The following CD1A variants were observed in gnomAD, a reference collection of about 807,000 sequenced individuals.
The protein encoded by CD1A is CD1a molecule, also known as T-cell surface glycoprotein CD1a.
A neutral mutation model predicts 38.3 loss-of-function variants in CD1A; 50 were observed. The ratio of observed to expected loss-of-function variants is 1.30; its 90% CI spans 1.04 to 1.65. The LOEUF (loss-of-function observed/expected upper bound fraction) is 1.65, where lower values mean the gene tolerates loss of function less well. Among genes scored for constraint, CD1A ranks in the 40% most tolerant of loss-of-function variants. CD1A has a pLI of 0.00. For synonymous variants in CD1A, 160 were observed against 150.8 expected (o/e 1.06, Z -0.45); for missense variants, 459 against 406.1 (o/e 1.13, Z -1.12).
At chr1:158,256,756 G>A (rs758556867) in intron 3 of CD1A, 30 bp from the exon 4 acceptor site, 9 of 1,603,770 alleles carry the variant, frequency 5.6e-6, no homozygotes, top group Non-Finnish European at 6.8e-6. Flanking sequence ...CTCCAAGTCT[G>A]TATTTGAATA....
At chr1:158,257,594 T>G in intron 5 of CD1A, 83 bp downstream of exon 5, 2 of 1,568,172 alleles carry the variant, frequency 1.3e-6, no homozygotes, top group Non-Finnish European at 1.8e-6. Flanking sequence ...TCTCCTCAGT[T>G]CTTCTCTCCC....
chr1:158,257,134 T>C (rs1235994631), intron 4 of CD1A, 70 bp downstream of exon 4: 1 of 1,521,846 alleles, frequency 6.6e-7, no homozygotes, highest in Non-Finnish European at 8.8e-7. Context: ...GAGGGCAAGC[T>C]GAAAATTTTA....
chr1:158,254,522 G>A lies in CD1A; in HGVS notation c.-148G>A, dbSNP rs1029666271. On this transcript the variant is annotated 5_prime_UTR_variant, in exon 1 of 6. Coordinates refer to ENST00000289429, the MANE Select transcript of CD1A (RefSeq NM_001763.3). ...GAGTAGGCATCTCAGGGTTTTTGAA[G>A]GAGTGGATTTTCTTTGTTGCAGTCA... is the stretch of plus-strand genomic sequence containing the variant. The A allele has an allele frequency of 2.0e-6, 3 of 1,493,962 alleles. No homozygotes were observed. The highest frequency in any genetic ancestry group is 2.7e-6 in the Non-Finnish European group (3 of 1,123,612). The allele number at this position is 1,493,962 out of a possible 1,614,324, so 92.5% of individuals were successfully genotyped here.
At position 158,256,905 on chromosome 1, in the gene CD1A, C is replaced by A. The variant is rs777992461; in HGVS notation, c.724C>A (p.Gln242Lys). ...GTGGGTGATGTGGATGCGGGGTGAGCAGGAGCAGCAGGGCACTCAGCGAGG... is the reference window on the plus strand; with the variant it reads ...GTGGGTGATGTGGATGCGGGGTGAGAAGGAGCAGCAGGGCACTCAGCGAGG... Reference protein sequence around the residue: ...PVWVMWMRGEQEQQGTQRGDI... With the variant: ...PVWVMWMRGEKEQQGTQRGDI... Residue 242 changes from glutamine to lysine, a missense_variant, in exon 4 of 6, where the codon CAG becomes AAG. Coordinates refer to ENST00000289429, the MANE Select transcript of CD1A (RefSeq NM_001763.3). 1.9e-6 allele frequency: 3 copies of A among 1,614,144 alleles called. No individual in the cohort carries two copies. In the South Asian group the frequency reaches 3.3e-5, roughly 18 times the overall value.
Position 158,254,535 on chromosome 1 carries a change from T to C in CD1A, c.-135T>C. 6.6e-7 allele frequency: 1 copy of C among 1,521,636 alleles called. No individual in the cohort carries two copies. Among genetic ancestry groups the C allele is most frequent in the Non-Finnish European group, 8.8e-7 (1 of 1,137,114 alleles). The allele number at this position is 1,521,636 out of a possible 1,614,324, so 94.3% of individuals were successfully genotyped here. On this transcript the variant is annotated 5_prime_UTR_variant, in exon 1 of 6. Transcript: ENST00000289429. ...AGGGTTTTTGAAGGAGTGGATTTTC[T>C]TTGTTGCAGTCAGGGGAGGTTTGTC...
chr1:158,254,604 G>T lies in CD1A; in HGVS notation c.-66G>T. 2 of 1,612,254 alleles carry T rather than the reference G, an allele frequency of 1.2e-6. No individual in the cohort carries two copies. Among genetic ancestry groups the T allele is most frequent in the Non-Finnish European group, 1.7e-6 (2 of 1,179,250 alleles). On this transcript the variant is annotated 5_prime_UTR_variant, in exon 1 of 6. It adds an upstream start codon to the 5' untranslated region. Transcript: ENST00000289429. The stretch of plus-strand genomic sequence containing the variant: ...GTCAGAATAGAGATATCGTGGGGTA[G>T]GTTTGTTTGGAACAGAAATCAAAGA...
intron 2 of CD1A, 100 bp from the exon 3 acceptor site, chr1:158,255,904 C>A (rs1387999637): frequency 3.3e-6 from 4 of 1,220,100 alleles, no homozygotes; most frequent in Non-Finnish European, 4.6e-6. Flanking sequence ...TCCATTATGT[C>A]AAACCCTGCA....
chr1:158,248,737 C>T, the CD1A span, among the ~76,000 whole-genome samples: 1 of 152,110 alleles, frequency 6.6e-6, no homozygotes, highest in Non-Finnish European at 1.5e-5. Context: ...GCATTCTGCT[C>T]TTTCTCAGCC....
At chr1:158,250,530 C>T (rs771347003), upstream of CD1A, among the ~76,000 whole-genome samples, 9 of 152,140 alleles carry the variant, frequency 5.9e-5, no homozygotes, top group South Asian at 4.1e-4. Flanking sequence ...TTACAACCTT[C>T]GGAAAATTTT....
upstream of CD1A, among the ~76,000 whole-genome samples, chr1:158,251,275 G>A (rs1290632455): frequency 2.0e-5 from 3 of 152,198 alleles, no homozygotes; most frequent in African/African-American, 7.2e-5. Flanking sequence ...TTGTCTTAGT[G>A]GTGGCAGAGT....
At position 158,256,864 on chromosome 1, in the gene CD1A, T is replaced by C. The variant is rs1332393849; in HGVS notation, c.683T>C (p.Phe228Ser). Residue 228 changes from phenylalanine (F) to serine (S), a missense_variant, in exon 4 of 6, where the codon TTC becomes TCC. Coordinates refer to ENST00000289429, the MANE Select transcript of CD1A (RefSeq NM_001763.3). ...HLQLVCHVSG[F>S]YPKPVWVMWM... The stretch of plus-strand genomic sequence containing the variant: ...CAGCTTGTGTGCCATGTCTCAGGAT[T>C]CTACCCAAAGCCCGTGTGGGTGATG... 4 of 1,614,224 alleles carry C rather than the reference T, an allele frequency of 2.5e-6. No individual in the cohort carries two copies. The highest frequency in any genetic ancestry group is 3.3e-4 in the Middle Eastern group (2 of 6,062).
chr1:158,248,479 C>G, the CD1A span: 1 of 924,092 alleles, frequency 1.1e-6, no homozygotes, highest in African/African-American at 1.8e-5. Flanking sequence ...GAAAGTGGAT[C>G]CTGGGGAAAG....
chr1:158,252,440 G>C (rs1180131708), upstream of CD1A, among the ~76,000 whole-genome samples: 1 of 151,968 alleles, frequency 6.6e-6, no homozygotes, highest in African/African-American at 2.4e-5. Flanking sequence ...TCTGGCATCT[G>C]TCCCAAGTAA....
chr1:158,254,633 AT>A lies in CD1A; in HGVS notation c.-32del. ...TGTTTGGAACAGAAATCAAAGACCA[AT>A]TTTTCTGAGAGAAGGAAATAACATC... On this transcript the variant is annotated 5_prime_UTR_variant, in exon 1 of 6. Coordinates refer to ENST00000289429, the MANE Select transcript of CD1A (RefSeq NM_001763.3). 1 of 1,613,872 alleles carries A rather than the reference AT, an allele frequency of 6.2e-7. No homozygotes were observed. The highest frequency in any genetic ancestry group is 8.5e-7 in the Non-Finnish European group (1 of 1,179,908).
At chr1:158,249,781 C>T (rs1289708969), upstream of CD1A, among the ~76,000 whole-genome samples, 1 of 152,180 alleles carries the variant, frequency 6.6e-6, no homozygotes, top group Non-Finnish European at 1.5e-5. Flanking sequence ...AGTGTGAGCA[C>T]AGAGGCTCTT....
chr1:158,255,065 A>G lies in CD1A; in HGVS notation c.59-19A>G. On this transcript the variant is annotated intron_variant, in intron 1 of 5. Transcript: ENST00000289429. ...TTCTCAATGTCTTTCTCCCCATTCT[A>G]TCTGTTCTTTTGTCGCAGGGCTCAA... 1 of 1,611,084 alleles carries G rather than the reference A, an allele frequency of 6.2e-7. No individual in the cohort carries two copies. Among genetic ancestry groups the G allele is most frequent in the Non-Finnish European group, 8.5e-7 (1 of 1,177,936 alleles).
chr1:158,257,350 A>G, intron 4 of CD1A, 71 bp from the exon 5 acceptor site: 1 of 1,153,196 alleles, frequency 8.7e-7, no homozygotes, highest in Non-Finnish European at 1.3e-6. Flanking sequence ...CAGGGAATGC[A>G]GTGAAATAGG....
intron 5 of CD1A, 62 bp from the exon 6 acceptor site, chr1:158,257,619 C>G: frequency 6.3e-7 from 1 of 1,595,778 alleles, no homozygotes. Context: ...CCCCTTCCCT[C>G]TTGCTCCTCA....
In CD1A at chr1:158,257,035, T is replaced by C. The variant is rs761269454; in HGVS notation, c.854T>C (p.Leu285Pro). The C allele has an allele frequency of 3.7e-6, 6 of 1,613,384 alleles. No individual in the cohort carries two copies. In the East Asian group the frequency reaches 1.1e-4, roughly 30 times the overall value. The change falls in exon 4 of 6, where the codon CTA becomes CCA. Residue 285 changes from leucine to proline, a missense_variant. Physicochemically the swap from Leu to Pro is moderately conservative, Grantham distance 98 (BLOSUM62 -3). Coordinates refer to ENST00000289429, the MANE Select transcript of CD1A (RefSeq NM_001763.3). ...DLSCRVKHSSLEGQDIVLYWE... is the reference protein window; with the variant it reads ...DLSCRVKHSSPEGQDIVLYWE... Reference sequence around the variant, plus strand: ...TCCTGTCGGGTGAAGCACAGCAGTCTAGAGGGCCAGGACATCGTCCTCTAC... The same window carrying C: ...TCCTGTCGGGTGAAGCACAGCAGTCCAGAGGGCCAGGACATCGTCCTCTAC...
Sources: gnomAD v4.1 joint callset for allele counts (sites outside exome capture counted in the v4.1 genomes callset) on GRCh38, gnomAD v4.1.1 for gene constraint, MANE v1.5 for transcripts, NCBI Gene and HGNC (gene_info 2026-07-23, HGNC 2026-07-21) for gene names.